Variants in RGSL1 observed in about 807,000 individuals in gnomAD.
RGSL1 encodes the protein regulator of G protein signaling like 1, also known as regulator of G protein signaling protein-like.
RGSL1 carries 97 observed loss-of-function variants against 124.7 expected under a neutral mutation model. The ratio of observed to expected loss-of-function variants is 0.78; its 90% CI spans 0.66 to 0.92. The LOEUF is 0.92. Ranked by LOEUF, RGSL1 falls within the 40% of genes least tolerant of loss-of-function variation. RGSL1 has a pLI of 0.00. For synonymous variants in RGSL1, 424 were observed against 438.1 expected, an observed-to-expected ratio of 0.97 and a Z score of 0.40; for missense variants, 1,233 against 1,288.4, an observed-to-expected ratio of 0.96 and a Z score of 0.66.
At chr1:182,517,250 C>G (rs1317172784) in intron 9 of RGSL1, among the ~76,000 whole-genome samples, 1 of 148,992 alleles carries the variant, frequency 6.7e-6, no homozygotes, top group Non-Finnish European at 1.5e-5. Flanking sequence ...ACTGGAGGTC[C>G]TTTATATGCT....
chr1:182,526,791 T>A (rs900644259), intron 10 of RGSL1, among the ~76,000 whole-genome samples: 1 of 148,496 alleles, frequency 6.7e-6, no homozygotes, highest in Admixed American at 6.7e-5. Context: ...CTAAGACACA[T>A]GTGTGATTTT....
chr1:182,463,212 T>C (rs988700472), intron 4 of RGSL1, among the ~76,000 whole-genome samples: 5 of 148,100 alleles, frequency 3.4e-5, no homozygotes, highest in Non-Finnish European at 5.9e-5. Flanking sequence ...GAGAATGGCA[T>C]GAACCTGGGA....
intron 17 of RGSL1, chr1:182,550,108 T>C (rs1237535356): frequency 6.6e-6 from 1 of 152,198 alleles, no homozygotes; most frequent in Non-Finnish European, 1.5e-5. Flanking sequence ...TGTTTACATA[T>C]ATTATCTTAA....
intron 17 of RGSL1, chr1:182,550,136 C>A (rs1163732961): frequency 3.9e-5 from 6 of 152,170 alleles, no homozygotes; most frequent in African/African-American, 9.7e-5. Flanking sequence ...TCTCCACAAC[C>A]CTACACAGTG....
chr1:182,475,214 G>A (rs1654197414), intron 6 of RGSL1, among the ~76,000 whole-genome samples: 3 of 152,116 alleles, frequency 2.0e-5, no homozygotes, highest in South Asian at 2.1e-4. Context: ...GAAAAGCAAG[G>A]TCTCCCTTTA....
intron 9 of RGSL1, among the ~76,000 whole-genome samples, chr1:182,494,701 C>T (rs781683863): frequency 6.6e-6 from 1 of 152,130 alleles, no homozygotes; most frequent in Non-Finnish European, 1.5e-5. Flanking sequence ...GAAGACACAC[C>T]TTATAATGGT....
At chr1:182,532,919 C>A in intron 14 of RGSL1, 128 bp downstream of exon 14, 3 of 1,043,060 alleles carry the variant, frequency 2.9e-6, no homozygotes, top group Non-Finnish European at 4.0e-6. Flanking sequence ...AAACCCAGGT[C>A]CTGTGTGCAA....
chr1:182,541,390 C>T (rs1270221393), intron 15 of RGSL1, among the ~76,000 whole-genome samples: 1 of 152,176 alleles, frequency 6.6e-6, no homozygotes, highest in Non-Finnish European at 1.5e-5. Flanking sequence ...CATGTTGCTG[C>T]AAATGACAGG....
chr1:182,451,258 A>G (rs149983915), intron 1 of RGSL1, among the ~76,000 whole-genome samples: 151 of 141,780 alleles, frequency 1.1e-3, no homozygotes, highest in African/African-American at 3.6e-3. Flanking sequence ...AGAAAGGTGA[A>G]AAAACAAAGT....
intron 2 of RGSL1, among the ~76,000 whole-genome samples, 170 bp downstream of exon 2, chr1:182,454,210 C>T (rs539569790): frequency 3.5e-4 from 53 of 152,144 alleles, no homozygotes; most frequent in Non-Finnish European, 6.9e-4. Flanking sequence ...ACCAGAACCA[C>T]CTGTAAAATC....
chr1:182,449,955 T>C (rs1439120456), upstream of RGSL1, among the ~76,000 whole-genome samples: 3 of 151,904 alleles, frequency 2.0e-5, no homozygotes, highest in Admixed American at 6.6e-5. Context: ...ATAGGAGGAG[T>C]CTTGTATGTC....
At chr1:182,467,899 A>G (rs1176970028) in intron 4 of RGSL1, among the ~76,000 whole-genome samples, 1 of 152,208 alleles carries the variant, frequency 6.6e-6, no homozygotes, top group Non-Finnish European at 1.5e-5. Context: ...AGAATCTACA[A>G]TGAACTCAAA....
chr1:182,474,533 G>C lies in RGSL1; in HGVS notation c.1422G>C (p.Glu474Asp). 6.5e-7 allele frequency: 1 copy of C among 1,541,718 alleles called. No individual in the cohort carries two copies. The highest frequency in any genetic ancestry group is 8.8e-7 in the Non-Finnish European group (1 of 1,140,538). Reference protein sequence around the residue: ...VIPWIPKAQKEICKMLSPWYD... With the variant: ...VIPWIPKAQKDICKMLSPWYD... ...CCTGGATTCCCAAAGCCCAGAAGGA[G>C]ATTTGCAAGGTAGGCCATGCCTCAC... The change falls in exon 6 of 22, where the codon GAG becomes GAC. Residue 474 changes from glutamate to aspartate, a missense_variant. Glu to Asp is a conservative substitution (Grantham distance 45, BLOSUM62 2). Transcript: ENST00000294854.
intron 15 of RGSL1, among the ~76,000 whole-genome samples, chr1:182,546,493 A>G (rs1002241809): frequency 6.6e-6 from 1 of 152,160 alleles, no homozygotes; most frequent in Admixed American, 6.5e-5. Context: ...TCCTGGGTTC[A>G]AGCGATTCTC....
At chr1:182,496,161 G>A (rs540308514) in intron 9 of RGSL1, among the ~76,000 whole-genome samples, 9 of 152,032 alleles carry the variant, frequency 5.9e-5, no homozygotes, top group East Asian at 1.9e-4. Flanking sequence ...AGAACTTCTC[G>A]TGGTTGGAGC....
At chr1:182,464,306 T>C (rs984429958) in intron 4 of RGSL1, among the ~76,000 whole-genome samples, 3 of 152,136 alleles carry the variant, frequency 2.0e-5, no homozygotes, top group African/African-American at 7.2e-5. Flanking sequence ...AACCCAGAGC[T>C]AGCAGAAGAA....
In RGSL1 at chr1:182,548,761, A is replaced by G. The variant is rs1200898543; in HGVS notation, c.2870A>G (p.Asp957Gly). 1.3e-6 allele frequency: 2 copies of G among 1,551,574 alleles called. No homozygotes were observed. The highest frequency in any genetic ancestry group is 2.4e-5 in the East Asian group (1 of 40,904). The change falls in exon 17 of 22, where the codon GAT (aspartate) becomes GGT (glycine). Residue 957 changes from aspartate to glycine, a missense_variant. Asp to Gly is a moderately conservative substitution (Grantham distance 94). Coordinates refer to ENST00000294854, the MANE Select transcript of RGSL1 (RefSeq NM_001137669.2). The part of the protein sequence containing the change: ...ILAAITEGYL[D>G]RSVFHGAIMS... Reference sequence around the variant, plus strand: ...GCTGCCATCACAGAGGGCTACCTAGATCGGAGCGTCTTCCATGGGGCTATC... The same window carrying G: ...GCTGCCATCACAGAGGGCTACCTAGGTCGGAGCGTCTTCCATGGGGCTATC...
intron 1 of RGSL1, chr1:182,450,563 T>G: frequency 3.9e-6 from 1 of 259,632 alleles, no homozygotes; most frequent in Non-Finnish European, 7.7e-6. Flanking sequence ...TTAGGAAGTT[T>G]GAAGGCAGAA....
chr1:182,473,650 A>G lies in RGSL1; in HGVS notation c.539A>G (p.Lys180Arg), dbSNP rs1385803054. Residue 180 changes from lysine (K) to arginine (R), a missense_variant, in exon 6 of 22, where the codon AAA (lysine) becomes AGA (arginine). Lys to Arg is a conservative substitution (Grantham distance 26). Transcript: ENST00000294854. ...TRREILSHMQKVALFKLQSYW... is the reference protein window; with the variant it reads ...TRREILSHMQRVALFKLQSYW... ...AGGGAGATCCTGAGCCACATGCAGA[A>G]AGTGGCTCTGTTCAAACTCCAGAGC... 6.4e-7 allele frequency: 1 copy of G among 1,551,716 alleles called. No individual in the cohort carries two copies. Among genetic ancestry groups the G allele is most frequent in the South Asian group, 1.2e-5 (1 of 84,056 alleles).
Sources: gnomAD v4.1 joint callset for allele counts (sites outside exome capture counted in the v4.1 genomes callset) on GRCh38, gnomAD v4.1.1 for gene constraint, MANE v1.5 for transcripts, NCBI Gene and HGNC (gene_info 2026-07-23, HGNC 2026-07-21) for gene names.